CAND1: variants seen among roughly 807,000 people sequenced by gnomAD.
CAND1 encodes the protein cullin associated and neddylation dissociated 1.
CAND1 carries 7 observed loss-of-function variants against 108.5 expected under a neutral mutation model. That is an observed-to-expected ratio of 0.06 (90% CI 0.04 to 0.12). The LOEUF is 0.12. Among genes scored for constraint, CAND1 ranks in the 10% least tolerant of loss-of-function variants. The pLI is 1.00. For missense variants in CAND1, 941 were observed against 1,448.7 expected, an observed-to-expected ratio of 0.65 and a Z score of 5.69; for synonymous variants, 534 against 512.0, an observed-to-expected ratio of 1.04 and a Z score of -0.58.
rs1240353005 is a variant in CAND1, at chr12:67,292,691, C to T, written c.282C>T (p.Asn94=). Residue 94 remains asparagine, a synonymous_variant, in exon 3 of 15, where the codon AAC becomes AAT. Coordinates refer to ENST00000545606, the MANE Select transcript of CAND1 (RefSeq NM_018448.5). ...VETIVDTLCT[N]MLSDKEQLRD... ...CAATTGTAGATACCCTCTGCACTAA[C>T]ATGCTTTCTGATAAAGAACAACTTC... The T allele has an allele frequency of 7.4e-6, 12 of 1,613,490 alleles. No individual in the cohort carries two copies. Among genetic ancestry groups the T allele is most frequent in the Non-Finnish European group, 1.0e-5 (12 of 1,179,538 alleles).
At chr12:67,304,882 C>T in intron 9 of CAND1, 136 bp downstream of exon 9, 1 of 1,089,694 alleles carries the variant, frequency 9.2e-7, no homozygotes, top group East Asian at 2.6e-5. Flanking sequence ...ACTTTTTAAT[C>T]TAACAATCTT....
intron 2 of CAND1, among the ~76,000 whole-genome samples, chr12:67,288,188 G>A (rs1458848727): frequency 4.7e-5 from 7 of 149,030 alleles, no homozygotes; most frequent in African/African-American, 1.7e-4. Context: ...CTGGAGTGCA[G>A]TGGTGTGATC....
At position 67,318,515 on chromosome 12, in the gene CAND1, C is replaced by G. The variant is rs2045030475; in HGVS notation, c.*5685C>G. The G allele has an allele frequency of 1.3e-5, 2 of 152,238 alleles. No individual in the cohort carries two copies. The highest frequency in any genetic ancestry group is 1.3e-4 in the Admixed American group (2 of 15,284). The allele number at this position is 152,238 out of a possible 1,614,324, so 9.4% of individuals were successfully genotyped here. ...TAAGTAATATAATTGTTAACTCTTACTAGCATTCTGTCCCTTTTATTTCCT... is the reference window on the plus strand; with the variant it reads ...TAAGTAATATAATTGTTAACTCTTAGTAGCATTCTGTCCCTTTTATTTCCT... On this transcript the variant is annotated 3_prime_UTR_variant, in exon 15 of 15. Coordinates refer to ENST00000545606, the MANE Select transcript of CAND1 (RefSeq NM_018448.5).
chr12:67,282,466 G>T (rs1045725390), intron 2 of CAND1, among the ~76,000 whole-genome samples: 9 of 151,694 alleles, frequency 5.9e-5, no homozygotes, highest in Admixed American at 5.9e-4. Flanking sequence ...TTTAAGGCAG[G>T]GTCTCACCTT....
At chr12:67,308,616 T>G (rs1223630295) in intron 11 of CAND1, among the ~76,000 whole-genome samples, 1 of 152,042 alleles carries the variant, frequency 6.6e-6, no homozygotes, top group Non-Finnish European at 1.5e-5. Flanking sequence ...CAGAACCACC[T>G]GGGAAACTTT....
Position 67,319,684 on chromosome 12 carries a change from A to C in CAND1, c.*6854A>C, listed in dbSNP as rs1390161309. On this transcript the variant is annotated 3_prime_UTR_variant, in exon 15 of 15. Transcript: ENST00000545606. ...GTTCACAAACAGCCCTTAATGTCAA[A>C]CTGAATACTGCCAACGTAGTTCCAG... 6.6e-6 allele frequency: 1 copy of C among 152,176 alleles called. No homozygotes were observed. The highest frequency in any genetic ancestry group is 1.5e-5 in the Non-Finnish European group (1 of 68,038). The allele number at this position is 152,176 out of a possible 1,614,324, so 9.4% of individuals were successfully genotyped here.
intron 6 of CAND1, among the ~76,000 whole-genome samples, chr12:67,298,725 C>A (rs781398965): frequency 6.6e-6 from 1 of 152,030 alleles, no homozygotes; most frequent in Admixed American, 6.6e-5. Context: ...TAGTTAAAAT[C>A]GGGATTAGGG....
intron 3 of CAND1, among the ~76,000 whole-genome samples, chr12:67,294,395 T>C (rs906419674): frequency 2.6e-5 from 4 of 152,136 alleles, no homozygotes; most frequent in African/African-American, 9.7e-5. Flanking sequence ...ATGGCTGATT[T>C]TTTTTTTTAA....
In CAND1 at chr12:67,299,036, A is replaced by T; in HGVS notation, c.941A>T (p.Asp314Val). ...ACCTATGATCCAAATTATAATTACG[A>T]TGATGAAGATGAAGATGAAAATGCA... ...YLTYDPNYNY[D>V]DEDEDENAMD... The change falls in exon 7 of 15, where the codon GAT (aspartate) becomes GTT (valine). Residue 314 changes from aspartate to valine, a missense_variant. Around this residue, in one of 9 missense-constraint regions of CAND1, gnomAD observed 697 missense variants for 942.0 expected, o/e 0.74. Transcript: ENST00000545606. The T allele has an allele frequency of 1.3e-6, 2 of 1,495,968 alleles. No homozygotes were observed. Among genetic ancestry groups the T allele is most frequent in the Non-Finnish European group, 1.9e-6 (2 of 1,076,240 alleles). 92.7% of individuals were successfully genotyped at this position (1,495,968 alleles called of 1,614,324 possible).
At chr12:67,280,974 C>T (rs1213732274) in intron 1 of CAND1, among the ~76,000 whole-genome samples, 1 of 152,152 alleles carries the variant, frequency 6.6e-6, no homozygotes, top group African/African-American at 2.4e-5. Context: ...GGCACAGTGG[C>T]CCCTGCTTGT....
In CAND1 at chr12:67,269,561, C is replaced by G; in HGVS notation, c.-157C>G. 1.7e-6 allele frequency: 1 copy of G among 605,414 alleles called. No homozygotes were observed. Among genetic ancestry groups the G allele is most frequent in the Non-Finnish European group, 2.8e-6 (1 of 355,796 alleles). 37.5% of individuals were successfully genotyped at this position (605,414 alleles called of 1,614,324 possible). On this transcript the variant is annotated 5_prime_UTR_variant, in exon 1 of 15. Transcript: ENST00000545606. ...CCTCGCCAGGGAGGGGGCAGCCCGT[C>G]GAGGCGCCTCCCTAGTCAGCGTCGG...
rs2045011792 is a variant in CAND1 at position 67,316,832 on chromosome 12, A to G, written c.*4002A>G. 6.6e-6 allele frequency: 1 copy of G among 152,120 alleles called. No homozygotes were observed. Among genetic ancestry groups the G allele is most frequent in the African/African-American group, 2.4e-5 (1 of 41,416 alleles). The allele number at this position is 152,120 out of a possible 1,614,324, so 9.4% of individuals were successfully genotyped here. On this transcript the variant is annotated 3_prime_UTR_variant, in exon 15 of 15. Transcript: ENST00000545606. Reference sequence around the variant, plus strand: ...TGGATATTAAGTGATTTTAGTCTAGAATGCTCTCAAAAAAATAGTAAAGAA... The same window carrying G: ...TGGATATTAAGTGATTTTAGTCTAGGATGCTCTCAAAAAAATAGTAAAGAA...
chr12:67,308,712 C>T (rs1426076920), intron 11 of CAND1, among the ~76,000 whole-genome samples: 2 of 151,964 alleles, frequency 1.3e-5, no homozygotes, highest in Non-Finnish European at 1.5e-5. Flanking sequence ...GATATATACT[C>T]TATTGTAATT....
intron 3 of CAND1, 186 bp from the exon 4 acceptor site, chr12:67,294,847 C>G (rs899554666): frequency 4.8e-6 from 2 of 413,384 alleles, no homozygotes; most frequent in African/African-American, 2.1e-5. Context: ...TGGTCTAATT[C>G]TTGTTTATTT....
At chr12:67,294,433 A>G (rs1177698242) in intron 3 of CAND1, among the ~76,000 whole-genome samples, 1 of 152,134 alleles carries the variant, frequency 6.6e-6, no homozygotes, top group Non-Finnish European at 1.5e-5. Flanking sequence ...GGAGCTCAGA[A>G]TATATGCTTT....
chr12:67,277,772 T>C (rs1247323849), intron 1 of CAND1, among the ~76,000 whole-genome samples: 3 of 152,238 alleles, frequency 2.0e-5, no homozygotes, highest in Admixed American at 6.5e-5. Flanking sequence ...TTTGCAAATA[T>C]GGAACCTGGG....
chr12:67,276,926 CAG>C (rs981226737), intron 1 of CAND1, among the ~76,000 whole-genome samples: 1 of 152,180 alleles, frequency 6.6e-6, no homozygotes, highest in Admixed American at 6.5e-5. Flanking sequence ...TTGTTAAGAT[CAG>C]AGGAATATCC....
intron 4 of CAND1, among the ~76,000 whole-genome samples, chr12:67,296,792 GGTT>G (rs1487593871): frequency 6.6e-6 from 1 of 151,722 alleles, no homozygotes; most frequent in South Asian, 2.1e-4. Context: ...GTGTAGTTTT[GGTT>G]GTTGTTGTTT....
chr12:67,302,088 TTAAC>T (rs573413876), intron 7 of CAND1, among the ~76,000 whole-genome samples: 34 of 152,340 alleles, frequency 2.2e-4, no homozygotes, highest in Non-Finnish European at 2.8e-4. Flanking sequence ...GAGAAAATGT[TTAAC>T]TAATTAAAAA....
Sources: gnomAD v4.1 joint callset for allele counts (sites outside exome capture counted in the v4.1 genomes callset) on GRCh38, gnomAD v4.1.1 for gene constraint, gnomAD v4.1.1 regional missense constraint, MANE v1.5 for transcripts, NCBI Gene and HGNC (gene_info 2026-07-23, HGNC 2026-07-21) for gene names.